The following CDK11A variants were observed in gnomAD, a reference collection of about 807,000 sequenced individuals.
CDK11A encodes cyclin dependent kinase 11A, also known as cyclin-dependent kinase 11A.
A neutral mutation model predicts 83.6 loss-of-function variants in CDK11A; 55 were observed. That is an observed-to-expected ratio of 0.66 (90% CI 0.53 to 0.82). The LOEUF is 0.82. CDK11A is among the 40% of genes least tolerant of loss of function. CDK11A has a pLI of 0.00. For missense variants in CDK11A, 564 were observed against 810.1 expected (o/e 0.70, Z 3.69); for synonymous variants, 247 against 302.7 (o/e 0.82, Z 1.91).
chr1:1,720,719 T>C (rs1644875115), intron 3 of CDK11A, among the ~76,000 whole-genome samples: 1 of 150,174 alleles, frequency 6.7e-6, no homozygotes, highest in Non-Finnish European at 1.5e-5. Flanking sequence ...TCAGACAGAA[T>C]CTTGCTATGT....
At position 1,705,677 on chromosome 1, in the gene CDK11A, T is replaced by C; in HGVS notation, c.1301A>G (p.Tyr434Cys). ...GTCTTTTGCTCTGTAGACCACTCCA[T>C]AGGTGCCCTCCTCGATCCTGTTCAG... ...QCLNRIEEGT[Y>C]GVVYRAKDKK... The change falls in exon 12 of 20, where the codon TAT becomes TGT. Residue 434 changes from tyrosine to cysteine, a missense_variant. Physicochemically the swap from Tyr to Cys is radical, Grantham distance 194. This residue lies in a region of CDK11A where 361 missense variants were observed against 402.7 expected (regional missense o/e 0.90). Coordinates refer to ENST00000404249, the MANE Select transcript of CDK11A (RefSeq NM_024011.4). 4.8e-6 allele frequency: 3 copies of C among 621,544 alleles called. No individual in the cohort carries two copies. Among genetic ancestry groups the C allele is most frequent in the East Asian group, 5.9e-5 (2 of 34,042 alleles). 38.5% of individuals were successfully genotyped at this position (621,544 alleles called of 1,614,324 possible).
intron 11 of CDK11A, among the ~76,000 whole-genome samples, chr1:1,706,762 A>G (rs1283992261): frequency 6.6e-6 from 1 of 150,800 alleles, no homozygotes; most frequent in Non-Finnish European, 1.5e-5. Flanking sequence ...CAGCAGCACT[A>G]AGGGGCAGAG....
chr1:1,703,892 C>G lies in CDK11A; in HGVS notation c.1843G>C (p.Glu615Gln), dbSNP rs760098796. The change falls in exon 17 of 20, where the codon GAG (glutamate) becomes CAG (glutamine). Residue 615 changes from glutamate (E) to glutamine (Q), a missense_variant. By Grantham distance (29) the Glu-to-Gln change is conservative. Coordinates refer to ENST00000404249, the MANE Select transcript of CDK11A (RefSeq NM_024011.4). Reference sequence around the variant, plus strand: ...AACAGAGGCTTCTGAGTCAGCAGCTCCCCGAAGATGCAGCCCACTGACCAC... The same window carrying G: ...AACAGAGGCTTCTGAGTCAGCAGCTGCCCGAAGATGCAGCCCACTGACCAC... ...DMWSVGCIFGELLTQKPLFPG... is the reference protein window; with the variant it reads ...DMWSVGCIFGQLLTQKPLFPG... 6.2e-7 allele frequency: 1 copy of G among 1,609,740 alleles called. No individual in the cohort carries two copies. The highest frequency in any genetic ancestry group is 8.5e-7 in the Non-Finnish European group (1 of 1,176,962).
intron 12 of CDK11A, 91 bp from the exon 13 acceptor site, chr1:1,705,116 C>A: frequency 6.8e-7 from 1 of 1,473,902 alleles, no homozygotes; most frequent in East Asian, 2.4e-5. Flanking sequence ...AGGCAGTGCC[C>A]AAAGCGCCAG....
chr1:1,706,928 C>T (rs1159174722), intron 11 of CDK11A, among the ~76,000 whole-genome samples: 6 of 145,826 alleles, frequency 4.1e-5, no homozygotes, highest in South Asian at 2.2e-4. Context: ...TTCCAAATCA[C>T]TCCCAACAAT....
At chr1:1,716,291 A>G (rs796229119) in intron 5 of CDK11A, 55 bp downstream of exon 5, 1 of 1,573,600 alleles carries the variant, frequency 6.4e-7, no homozygotes, top group Non-Finnish European at 8.7e-7. Context: ...TTGCTGTGAC[A>G]GGACACACTA....
chr1:1,721,189 C>T (rs967606552), intron 3 of CDK11A, among the ~76,000 whole-genome samples: 1 of 71,168 alleles, frequency 1.4e-5, no homozygotes, highest in Non-Finnish European at 4.1e-5. Flanking sequence ...ACTCTTGAGA[C>T]ACCGTCTCAA....
intron 4 of CDK11A, among the ~76,000 whole-genome samples, chr1:1,717,912 GAC>G (rs1434060402): frequency 1.3e-5 from 2 of 150,210 alleles, no homozygotes; most frequent in Non-Finnish European, 3.0e-5. Context: ...TTCAGTCTGT[GAC>G]ACATGCATGC....
intron 5 of CDK11A, among the ~76,000 whole-genome samples, chr1:1,714,720 G>A (rs574070515): frequency 0.023 from 3,100 of 135,150 alleles, 149 homozygotes; most frequent in African/African-American, 0.077. Context: ...CTTGGCCCAC[G>A]GCTGTGTGTG....
intron 3 of CDK11A, among the ~76,000 whole-genome samples, chr1:1,720,531 TG>T (rs1644866785): frequency 1.3e-5 from 2 of 150,852 alleles, no homozygotes. Context: ...CCGGAGTAGC[TG>T]GGAGTACAGG....
At chr1:1,722,639 T>C in intron 2 of CDK11A, 69 bp downstream of exon 2, 1 of 1,106,082 alleles carries the variant, frequency 9.0e-7, no homozygotes, top group Non-Finnish European at 1.3e-6. Flanking sequence ...GTTGTTCTAA[T>C]GGAAAAATGA....
Position 1,722,517 on chromosome 1 carries a change from C to G in CDK11A, c.111+191G>C, listed in dbSNP as rs1444541496. ...ATTTTATTCTCCATGTATGCTCAAT[C>G]TAGACACAGCTTTAGTGTGTTAAAT... On this transcript the variant is annotated intron_variant, in intron 2 of 19. Transcript: ENST00000404249. The G allele has an allele frequency of 1.0e-4, 59 of 576,926 alleles. 1 individual carries two copies. Among genetic ancestry groups the G allele is most frequent in the Non-Finnish European group, 1.7e-4 (55 of 316,138 alleles). The allele number at this position is 576,926 out of a possible 1,614,324, so 35.7% of individuals were successfully genotyped here. A position where few individuals can be genotyped will look rare whatever the true frequency, so the allele number is the denominator to read the frequency against.
In CDK11A at chr1:1,721,193, G is replaced by C. The variant is rs576498295; in HGVS notation, c.227+403C>G. Among the ~76,000 whole-genome samples the C allele has an allele frequency of 2.2e-4, 11 of 50,878 alleles. 1 individual carries two copies. In the Admixed American group the frequency reaches 3.2e-3, roughly 15 times the overall value. The allele number at this position is 50,878 out of a possible 152,430, so 33.4% of individuals were successfully genotyped here. Reference sequence around the variant, plus strand: ...GGGTGAGCAAGACTCTTGAGACACCGTCTCAAAAAAAAAAAGAGTACACTT... The same window carrying C: ...GGGTGAGCAAGACTCTTGAGACACCCTCTCAAAAAAAAAAAGAGTACACTT... On this transcript the variant is annotated intron_variant, in intron 3 of 19. Coordinates refer to ENST00000404249, the MANE Select transcript of CDK11A (RefSeq NM_024011.4).
At position 1,716,421 on chromosome 1, in the gene CDK11A, T is replaced by C; in HGVS notation, c.413A>G (p.Glu138Gly). The stretch of plus-strand genomic sequence containing the variant: ...CCATTCCCGGCGAGCTTTATCCTGT[T>C]CTTCTCGATGTCGTTTCCGACGTTC... ...EHERRKRHRE[E>G]QDKARREWER... The change falls in exon 5 of 20, where the codon GAA becomes GGA. Residue 138 changes from glutamate to glycine, a missense_variant. By Grantham distance (98) the Glu-to-Gly change is moderately conservative. Transcript: ENST00000404249. 1 of 1,608,688 alleles carries C rather than the reference T, an allele frequency of 6.2e-7. No individual in the cohort carries two copies. Among genetic ancestry groups the C allele is most frequent in the Non-Finnish European group, 8.5e-7 (1 of 1,176,190 alleles).
At chr1:1,707,843 G>A (rs1276991607) in intron 10 of CDK11A, among the ~76,000 whole-genome samples, 1 of 136,950 alleles carries the variant, frequency 7.3e-6, no homozygotes, top group Admixed American at 6.9e-5. Flanking sequence ...CGTCCACCAG[G>A]CTGAGGACAT....
chr1:1,719,539 A>G, intron 3 of CDK11A, 84 bp from the exon 4 acceptor site: 2 of 1,133,312 alleles, frequency 1.8e-6, no homozygotes, highest in Non-Finnish European at 2.4e-6. Context: ...TTCAACCCAG[A>G]AAAATGCATG....
At position 1,702,869 on chromosome 1, in the gene CDK11A, C is replaced by T. The variant is rs1428211066; in HGVS notation, c.*38G>A. On this transcript the variant is annotated 3_prime_UTR_variant, in exon 20 of 20. Transcript: ENST00000404249. ...GCCGCAGTAGCCACGCCTGTGGTCC[C>T]GGCTGAGTTCTCCCCATGACGGGGT... is the stretch of plus-strand genomic sequence containing the variant. 2.6e-4 allele frequency: 92 copies of T among 348,440 alleles called. 1 individual carries two copies. Among genetic ancestry groups the T allele is most frequent in the Admixed American group, 1.1e-3 (20 of 18,096 alleles). The allele number at this position is 348,440 out of a possible 1,614,324, so 21.6% of individuals were successfully genotyped here.
chr1:1,708,325 CT>C, intron 9 of CDK11A, 80 bp from the exon 10 acceptor site: 1 of 1,425,556 alleles, frequency 7.0e-7, no homozygotes, highest in Non-Finnish European at 9.4e-7. Flanking sequence ...TCCGCTTCAG[CT>C]AAGCAACAAG....
rs542229645 is a variant in CDK11A, at chr1:1,708,093, C to T, written c.1069+87G>A. On this transcript the variant is annotated intron_variant, in intron 10 of 19. Coordinates refer to ENST00000404249, the MANE Select transcript of CDK11A (RefSeq NM_024011.4). ...GCCTCCCAGACCCTGGCGTGCCCCACGCCGCGCAGGACCGGCTGTCTTAGG... is the reference window on the plus strand; with the variant it reads ...GCCTCCCAGACCCTGGCGTGCCCCATGCCGCGCAGGACCGGCTGTCTTAGG... The T allele has an allele frequency of 3.4e-5, 54 of 1,590,490 alleles. 4 individuals carry two copies. The East Asian group carries it at 7.7e-4, about 23-fold the overall frequency.
Sources: gnomAD v4.1 joint callset for allele counts (sites outside exome capture counted in the v4.1 genomes callset) on GRCh38, gnomAD v4.1.1 for gene constraint, gnomAD v4.1.1 regional missense constraint, MANE v1.5 for transcripts, NCBI Gene and HGNC (gene_info 2026-07-23, HGNC 2026-07-21) for gene names.